Variants in SUPT3H observed in about 807,000 individuals in gnomAD.
SUPT3H encodes the protein SPT3 homolog, SAGA and STAGA complex component, also known as transcription initiation protein SPT3 homolog.
SUPT3H carries 44 observed loss-of-function variants against 44.3 expected under a neutral mutation model. The ratio of observed to expected loss-of-function variants is 0.99; its 90% CI spans 0.78 to 1.28. The LOEUF is 1.28. Among genes scored for constraint, SUPT3H ranks in the 50% most tolerant of loss-of-function variants. The pLI is 0.00. For synonymous variants in SUPT3H, 124 were observed against 125.6 expected (o/e 0.99, Z 0.09); for missense variants, 380 against 387.1 (o/e 0.98, Z 0.15).
In SUPT3H at chr6:44,828,584, G is replaced by T. The variant is rs1002305833; in HGVS notation, c.*1232C>A. 6.6e-6 allele frequency: 1 copy of T among 152,082 alleles called. No individual in the cohort carries two copies. The highest frequency in any genetic ancestry group is 2.4e-5 in the African/African-American group (1 of 41,420). The allele number at this position is 152,082 out of a possible 1,614,324, so 9.4% of individuals were successfully genotyped here. A position where few individuals can be genotyped will look rare whatever the true frequency, so the allele number is the denominator to read the frequency against. ...AAGCTAATGACATAACCTCTAAATG[G>T]CATGTTCAGAAAGTTTTATACTTCC... is the stretch of plus-strand genomic sequence containing the variant. On this transcript the variant is annotated 3_prime_UTR_variant, in exon 11 of 11. Coordinates refer to ENST00000371459, the MANE Select transcript of SUPT3H (RefSeq NM_003599.4).
Position 45,282,012 on chromosome 6 carries a change from C to T in SUPT3H, c.101+83189G>A, listed in dbSNP as rs1046296831. Among the ~76,000 whole-genome samples, 11 of 152,302 alleles carry T rather than the reference C, an allele frequency of 7.2e-5. No individual in the cohort carries two copies. The South Asian group carries it at 2.3e-3, about 32-fold the overall frequency. On this transcript the variant is annotated intron_variant, in intron 2 of 10. Coordinates refer to ENST00000371459, the MANE Select transcript of SUPT3H (RefSeq NM_003599.4). ...TGGACATCCAGCAAACTCCAACAGA[C>T]CTGCAGCTGAGGGTCCTGACTGTTA...
chr6:44,947,694 T>C (rs972150445), intron 9 of SUPT3H, among the ~76,000 whole-genome samples: 1 of 151,972 alleles, frequency 6.6e-6, no homozygotes, highest in African/African-American at 2.4e-5. Flanking sequence ...TAAACACAAA[T>C]GAAACTCCAA....
chr6:45,022,547 T>C (rs76318402), intron 3 of SUPT3H, among the ~76,000 whole-genome samples: 23 of 152,180 alleles, frequency 1.5e-4, no homozygotes, highest in Middle Eastern at 3.4e-3. Flanking sequence ...GTTTTTCTAA[T>C]TTATCTCAAC....
intron 3 of SUPT3H, among the ~76,000 whole-genome samples, chr6:45,044,328 A>T (rs1026777896): frequency 2.6e-5 from 4 of 152,034 alleles, no homozygotes; most frequent in Non-Finnish European, 5.9e-5. Flanking sequence ...TGTCTAGCTA[A>T]CTCCTATTCA....
At chr6:45,295,524 CAAAAAA>C (rs752887669) in intron 2 of SUPT3H, among the ~76,000 whole-genome samples, 26 of 40,088 alleles carry the variant, frequency 6.5e-4, no homozygotes, top group Non-Finnish European at 1.0e-3. Flanking sequence ...TTTTGCACAG[CAAAAAA>C]AAAAAAAAAA....
chr6:44,853,747 G>C (rs1773282774), intron 10 of SUPT3H, among the ~76,000 whole-genome samples: 1 of 152,012 alleles, frequency 6.6e-6, no homozygotes, highest in South Asian at 2.1e-4. Context: ...TCTGGTGGGG[G>C]GAGTGGGAGG....
intron 10 of SUPT3H, among the ~76,000 whole-genome samples, chr6:44,921,308 C>T (rs10456119): frequency 0.34 from 51,013 of 152,080 alleles, 9,484 homozygotes; most frequent in Admixed American, 0.41. Flanking sequence ...AGTGTGCTTT[C>T]ATTCTATCAG....
chr6:44,837,751 G>C (rs1203044658), intron 10 of SUPT3H, among the ~76,000 whole-genome samples: 7 of 152,120 alleles, frequency 4.6e-5, no homozygotes, highest in Admixed American at 4.6e-4. Flanking sequence ...AAATTATTTT[G>C]TTGAGTCTAT....
chr6:45,274,404 T>C (rs1776688426), intron 2 of SUPT3H, among the ~76,000 whole-genome samples: 1 of 152,222 alleles, frequency 6.6e-6, no homozygotes, highest in African/African-American at 2.4e-5. Flanking sequence ...CTCAAGGTCA[T>C]GAACATTTAC....
At chr6:45,352,879 C>T (rs1792354072) in intron 2 of SUPT3H, among the ~76,000 whole-genome samples, 1 of 151,872 alleles carries the variant, frequency 6.6e-6, no homozygotes, top group South Asian at 2.1e-4. Flanking sequence ...AAAAATTAAA[C>T]TGGTCATTTA....
At chr6:45,105,336 A>T (rs577413215) in intron 3 of SUPT3H, among the ~76,000 whole-genome samples, 6 of 152,232 alleles carry the variant, frequency 3.9e-5, no homozygotes, top group Non-Finnish European at 7.4e-5. Flanking sequence ...CTCTTTAAAC[A>T]TGGTACAGGC....
chr6:44,959,831 A>G (rs1241585108), intron 7 of SUPT3H, among the ~76,000 whole-genome samples: 1 of 152,172 alleles, frequency 6.6e-6, no homozygotes, highest in African/African-American at 2.4e-5. Context: ...CAGGACCACA[A>G]TTCCTGTATC....
chr6:44,907,236 C>T (rs1465172525), intron 10 of SUPT3H, among the ~76,000 whole-genome samples: 1 of 152,132 alleles, frequency 6.6e-6, no homozygotes, highest in East Asian at 1.9e-4. Context: ...AGTAATTTTT[C>T]ACCTCCTTTA....
At chr6:44,810,352 A>G (rs1420400415) in intron 11 of SUPT3H, among the ~76,000 whole-genome samples, 3 of 152,152 alleles carry the variant, frequency 2.0e-5, no homozygotes, top group African/African-American at 7.2e-5. Context: ...CAGTTACAGA[A>G]ATGATGACAG....
chr6:45,156,761 A>T (rs1807894539), intron 2 of SUPT3H, among the ~76,000 whole-genome samples: 1 of 151,740 alleles, frequency 6.6e-6, no homozygotes, highest in Non-Finnish European at 1.5e-5. Flanking sequence ...ATATATATAT[A>T]TTTTAGAATG....
intron 2 of SUPT3H, among the ~76,000 whole-genome samples, chr6:45,272,995 T>A (rs1288109878): frequency 6.6e-6 from 1 of 152,234 alleles, no homozygotes; most frequent in African/African-American, 2.4e-5. Context: ...TTTCAACTCC[T>A]GTTACAATTC....
rs1054015257 is a variant in SUPT3H, at chr6:45,204,351, G to C, written c.102-98345C>G. Among the ~76,000 whole-genome samples, 4 of 152,112 alleles carry C rather than the reference G, an allele frequency of 2.6e-5. No homozygotes were observed. In the South Asian group the frequency reaches 8.3e-4, roughly 32 times the overall value. Reference sequence around the variant, plus strand: ...TAAGAGTCTAAAATAATAAACATTTGATAACTGCTAAGGTGAGAAGAAACA... The same window carrying C: ...TAAGAGTCTAAAATAATAAACATTTCATAACTGCTAAGGTGAGAAGAAACA... On this transcript the variant is annotated intron_variant, in intron 2 of 10. Transcript: ENST00000371459.
At position 45,328,136 on chromosome 6, in the gene SUPT3H, C is replaced by G. The variant is rs533720661; in HGVS notation, c.101+37065G>C. ...TATCCTTCTGGATGCCAGGAAAGGCCTTACCACAAGCCTTTTGTGAGAGAA... is the reference window on the plus strand; with the variant it reads ...TATCCTTCTGGATGCCAGGAAAGGCGTTACCACAAGCCTTTTGTGAGAGAA... On this transcript the variant is annotated intron_variant, in intron 2 of 10. Coordinates refer to ENST00000371459, the MANE Select transcript of SUPT3H (RefSeq NM_003599.4). 9.1e-5 allele frequency: 47 copies of G among 515,564 alleles called. No individual in the cohort carries two copies. The East Asian group carries it at 3.3e-3, about 36-fold the overall frequency. The allele number at this position is 515,564 out of a possible 1,614,324, so 31.9% of individuals were successfully genotyped here.
intron 2 of SUPT3H, among the ~76,000 whole-genome samples, chr6:45,320,738 A>G (rs1012321650): frequency 6.6e-6 from 1 of 152,216 alleles, no homozygotes; most frequent in Non-Finnish European, 1.5e-5. Context: ...CTTTTAGAAA[A>G]AGTGTGTCAA....
Sources: allele counts gnomAD v4.1 joint callset (sites outside exome capture counted in the v4.1 genomes callset), GRCh38; gene constraint gnomAD v4.1.1; transcripts MANE v1.5; gene names NCBI Gene and HGNC (gene_info 2026-07-23, HGNC 2026-07-21).